The following FBXO40 variants were observed in gnomAD, a reference collection of about 807,000 sequenced individuals.
FBXO40 encodes the protein F-box protein 40, also known as F-box only protein 40.
FBXO40 carries 50 observed loss-of-function variants against 49.9 expected under a neutral mutation model. The ratio of observed to expected loss-of-function variants is 1.00; its 90% CI spans 0.80 to 1.27. The LOEUF is 1.27. Among genes scored for constraint, FBXO40 ranks in the 50% most tolerant of loss-of-function variants. FBXO40 has a pLI of 0.00. For synonymous variants in FBXO40, 340 were observed against 320.2 expected (o/e 1.06, Z -0.66); for missense variants, 895 against 870.1 (o/e 1.03, Z -0.36).
intron 2 of FBXO40, among the ~76,000 whole-genome samples, chr3:121,621,163 T>C (rs1376385016): frequency 6.6e-6 from 1 of 152,216 alleles, no homozygotes; most frequent in Non-Finnish European, 1.5e-5. Context: ...AAATAACAAT[T>C]GTCAACAGTG....
chr3:121,625,919 G>A (rs2108852581), intron 3 of FBXO40, among the ~76,000 whole-genome samples: 1 of 152,332 alleles, frequency 6.6e-6, no homozygotes, highest in Admixed American at 6.5e-5. Context: ...CACATAACCA[G>A]ACTTGAAAAC....
chr3:121,600,810 GA>G (rs2108844445), intron 1 of FBXO40, among the ~76,000 whole-genome samples: 1 of 152,320 alleles, frequency 6.6e-6, no homozygotes, highest in South Asian at 2.1e-4. Flanking sequence ...AAAAGCATAG[GA>G]AAGGCACTAA....
In FBXO40 at chr3:121,623,108, A is replaced by G. The variant is rs1560133133; in HGVS notation, c.1679A>G (p.Asn560Ser). ...APELSEGRKN[N>S]HLLGHGGKSQ... ...GAGCTGAGCGAGGGAAGGAAGAACAACCATCTTTTGGGTCATGGAGGAAAA... is the reference window on the plus strand; with the variant it reads ...GAGCTGAGCGAGGGAAGGAAGAACAGCCATCTTTTGGGTCATGGAGGAAAA... The change falls in exon 3 of 4, where the codon AAC (asparagine) becomes AGC (serine). Residue 560 changes from asparagine (N) to serine (S), a missense_variant. By Grantham distance (46) the Asn-to-Ser change is conservative (BLOSUM62 1). Transcript: ENST00000338040. The G allele has an allele frequency of 1.9e-6, 3 of 1,614,230 alleles. No homozygotes were observed. The highest frequency in any genetic ancestry group is 1.1e-5 in the South Asian group (1 of 91,086).
chr3:121,605,419 C>A (rs2048927219), intron 1 of FBXO40, among the ~76,000 whole-genome samples: 1 of 152,126 alleles, frequency 6.6e-6, no homozygotes, highest in South Asian at 2.1e-4. Context: ...CAGATAAGTC[C>A]ATTTGTTGCA....
intron 1 of FBXO40, among the ~76,000 whole-genome samples, chr3:121,597,114 G>A (rs1576448775): frequency 6.6e-6 from 1 of 152,262 alleles, no homozygotes; most frequent in African/African-American, 2.4e-5. Flanking sequence ...CACCATCACA[G>A]CAACTTTGCC....
intron 1 of FBXO40, among the ~76,000 whole-genome samples, chr3:121,614,826 T>C (rs1439212471): frequency 6.6e-6 from 1 of 152,130 alleles, no homozygotes; most frequent in Non-Finnish European, 1.5e-5. Context: ...TGTCCATCCA[T>C]ACAAGGACAC....
chr3:121,602,524 T>G (rs1203285392), intron 1 of FBXO40, among the ~76,000 whole-genome samples: 1 of 152,264 alleles, frequency 6.6e-6, no homozygotes, highest in East Asian at 1.9e-4. Context: ...AATAAAAATG[T>G]GATTCTCCCT....
In FBXO40 at chr3:121,622,031, A is replaced by G; in HGVS notation, c.602A>G (p.Glu201Gly). The change falls in exon 3 of 4, where the codon GAG (glutamate) becomes GGG (glycine). Residue 201 changes from glutamate (E) to glycine (G), a missense_variant. By Grantham distance (98) the Glu-to-Gly change is moderately conservative (BLOSUM62 -2). Coordinates refer to ENST00000338040, the MANE Select transcript of FBXO40 (RefSeq NM_016298.4). Reference protein sequence around the residue: ...EMAELSQEEREVLAKTKEGMD... With the variant: ...EMAELSQEERGVLAKTKEGMD... Reference sequence around the variant, plus strand: ...GCAGAGCTAAGTCAAGAAGAACGGGAGGTGCTAGCCAAAACCAAAGAAGGG... The same window carrying G: ...GCAGAGCTAAGTCAAGAAGAACGGGGGGTGCTAGCCAAAACCAAAGAAGGG... 1 of 1,614,238 alleles carries G rather than the reference A, an allele frequency of 6.2e-7. No individual in the cohort carries two copies. The highest frequency in any genetic ancestry group is 8.5e-7 in the Non-Finnish European group (1 of 1,180,042).
intron 1 of FBXO40, among the ~76,000 whole-genome samples, chr3:121,600,645 G>A (rs2108844406): frequency 6.6e-6 from 1 of 152,250 alleles, no homozygotes; most frequent in South Asian, 2.1e-4. Flanking sequence ...GTGTCTCCAT[G>A]GGCCTTTGAG....
At chr3:121,596,616 G>A (rs950690148) in intron 1 of FBXO40, among the ~76,000 whole-genome samples, 5 of 152,088 alleles carry the variant, frequency 3.3e-5, no homozygotes, top group African/African-American at 9.7e-5. Context: ...TCCAGATTTC[G>A]GATTCTGTGC....
intron 1 of FBXO40, among the ~76,000 whole-genome samples, chr3:121,600,561 A>T (rs975959079): frequency 6.6e-6 from 1 of 152,192 alleles, no homozygotes; most frequent in South Asian, 2.1e-4. Context: ...TTAATAATAC[A>T]TGTGGACACT....
At position 121,628,662 on chromosome 3, in the gene FBXO40, G is replaced by A. The variant is rs997465761; in HGVS notation, c.*1752G>A. The A allele has an allele frequency of 1.3e-5, 2 of 152,200 alleles. No homozygotes were observed. Among genetic ancestry groups the A allele is most frequent in the Non-Finnish European group, 2.9e-5 (2 of 68,034 alleles). The allele number at this position is 152,200 out of a possible 1,614,324, so 9.4% of individuals were successfully genotyped here. A position where few individuals can be genotyped will look rare whatever the true frequency, so the allele number is the denominator to read the frequency against. ...AAGGATGTCATACTAGTGACAATAA[G>A]TTAGGATATGCTTATTTTTTAGTAC... is the stretch of plus-strand genomic sequence containing the variant. On this transcript the variant is annotated 3_prime_UTR_variant, in exon 4 of 4. Coordinates refer to ENST00000338040, the MANE Select transcript of FBXO40 (RefSeq NM_016298.4).
chr3:121,606,183 T>G (rs751955504), intron 1 of FBXO40, among the ~76,000 whole-genome samples: 20 of 152,194 alleles, frequency 1.3e-4, no homozygotes, highest in Non-Finnish European at 2.5e-4. Context: ...AGTAAGAAGC[T>G]TCCAAGGATT....
chr3:121,596,323 G>A (rs916146820), intron 1 of FBXO40, among the ~76,000 whole-genome samples: 1 of 152,180 alleles, frequency 6.6e-6, no homozygotes, highest in Non-Finnish European at 1.5e-5. Context: ...AAAAAAGCAC[G>A]TGACTAGAGC....
intron 3 of FBXO40, 36 bp from the exon 4 acceptor site, chr3:121,626,659 C>A (rs375026245): frequency 1.1e-5 from 17 of 1,592,842 alleles, no homozygotes; most frequent in Non-Finnish European, 1.4e-5. Context: ...GGTAACACCC[C>A]TATATTCACC....
rs1306212038 is a variant in FBXO40, at chr3:121,621,626, T to A, written c.197T>A (p.Leu66His). 1 of 1,614,158 alleles carries A rather than the reference T, an allele frequency of 6.2e-7. No individual in the cohort carries two copies. The highest frequency in any genetic ancestry group is 1.1e-5 in the South Asian group (1 of 91,082). ...LLCPLEQVPCLNSEYGCPLSM... is the reference protein window; with the variant it reads ...LLCPLEQVPCHNSEYGCPLSM... ...TGCCCTTTAGAGCAGGTTCCGTGCC[T>A]CAACTCCGAATATGGCTGCCCTCTG... Residue 66 changes from leucine to histidine, a missense_variant, in exon 3 of 4, where the codon CTC becomes CAC. By Grantham distance (99) the Leu-to-His change is moderately conservative. Transcript: ENST00000338040.
intron 3 of FBXO40, among the ~76,000 whole-genome samples, chr3:121,624,287 G>C (rs900816535): frequency 6.6e-6 from 1 of 152,110 alleles, no homozygotes; most frequent in Non-Finnish European, 1.5e-5. Context: ...ACTGCGCCCG[G>C]CCTTAAAGAG....
chr3:121,622,012 C>T lies in FBXO40; in HGVS notation c.583C>T (p.Leu195=). 1 of 1,614,152 alleles carries T rather than the reference C, an allele frequency of 6.2e-7. No individual in the cohort carries two copies. The highest frequency in any genetic ancestry group is 2.2e-5 in the East Asian group (1 of 44,886). ...AGCAACTAATGGGGAGATGGCAGAG[C>T]TAAGTCAAGAAGAACGGGAGGTGCT... ...LSATNGEMAE[L]SQEEREVLAK... is the part of the protein sequence containing the mutation. Residue 195 remains leucine, a synonymous_variant, in exon 3 of 4, where the codon CTA becomes TTA. Coordinates refer to ENST00000338040, the MANE Select transcript of FBXO40 (RefSeq NM_016298.4).
At chr3:121,596,123 C>G (rs541229719) in intron 1 of FBXO40, among the ~76,000 whole-genome samples, 1 of 152,176 alleles carries the variant, frequency 6.6e-6, no homozygotes, top group Non-Finnish European at 1.5e-5. Flanking sequence ...ACCTGCTATA[C>G]GTGTTAGCAT....
Sources: gnomAD v4.1 joint callset for allele counts (sites outside exome capture counted in the v4.1 genomes callset) on GRCh38, gnomAD v4.1.1 for gene constraint, MANE v1.5 for transcripts, NCBI Gene and HGNC (gene_info 2026-07-23, HGNC 2026-07-21) for gene names.